The following FBXL4 variants were observed in gnomAD, a reference collection of about 807,000 sequenced individuals.
FBXL4 encodes the protein F-box/LRR-repeat protein 4.
In FBXL4, 40 loss-of-function variants were observed where a neutral mutation model predicts 58.9. That is an observed-to-expected ratio of 0.68 (90% CI 0.53 to 0.88). The LOEUF (loss-of-function observed/expected upper bound fraction) is 0.88. Ranked by LOEUF, FBXL4 falls within the 40% of genes least tolerant of loss-of-function variation. FBXL4 has a pLI of 0.00. For synonymous variants in FBXL4, 263 were observed against 265.5 expected, an observed-to-expected ratio of 0.99 and a Z score of 0.09; for missense variants, 676 against 734.4, an observed-to-expected ratio of 0.92 and a Z score of 0.92.
At chr6:98,881,231 T>C (rs1463806398) in intron 7 of FBXL4, among the ~76,000 whole-genome samples, 2 of 152,186 alleles carry the variant, frequency 1.3e-5, no homozygotes, top group African/African-American at 4.8e-5. Context: ...TTTCTAGTCA[T>C]GTTCCTGCCA....
At chr6:98,912,599 T>G (rs987240069) in intron 5 of FBXL4, among the ~76,000 whole-genome samples, 1 of 151,632 alleles carries the variant, frequency 6.6e-6, no homozygotes, top group Admixed American at 6.6e-5. Flanking sequence ...GAAGGAGAAA[T>G]AAAATACTTC....
In FBXL4 at chr6:98,905,572, T is replaced by C. The variant is rs1771775479; in HGVS notation, c.957A>G (p.Gln319=). 3.1e-6 allele frequency: 5 copies of C among 1,613,868 alleles called. No homozygotes were observed. The highest frequency in any genetic ancestry group is 1.3e-5 in the African/African-American group (1 of 74,900). Residue 319 remains glutamine, a synonymous_variant, in exon 6 of 10, where the codon CAA becomes CAG. Transcript: ENST00000369244. ...ATGGTTGCAGATTGAGGTGGATGTATTGCAGAGGATCACAGCAATGCTGGC... is the reference window on the plus strand; with the variant it reads ...ATGGTTGCAGATTGAGGTGGATGTACTGCAGAGGATCACAGCAATGCTGGC... ...LLSQHCCDPL[Q]YIHLNLQPYW...
chr6:98,882,186 T>C (rs1186516621), intron 7 of FBXL4, among the ~76,000 whole-genome samples: 2 of 152,076 alleles, frequency 1.3e-5, no homozygotes, highest in African/African-American at 4.8e-5. Context: ...AAGTATAGGT[T>C]CCAATATAAC....
chr6:98,907,997 C>T (rs2604068), intron 5 of FBXL4, among the ~76,000 whole-genome samples: 31,837 of 152,074 alleles, frequency 0.21, 3,472 homozygotes, highest in African/African-American at 0.27. Flanking sequence ...CTCTCAGACA[C>T]TGCAAAATCC....
chr6:98,917,305 C>A, intron 5 of FBXL4, 69 bp downstream of exon 5: 1 of 1,058,102 alleles, frequency 9.5e-7, no homozygotes, highest in Non-Finnish European at 1.4e-6. Context: ...GCTCAGTAAA[C>A]ATTAATATCT....
intron 1 of FBXL4, among the ~76,000 whole-genome samples, chr6:98,937,538 C>A (rs1271175343): frequency 2.0e-5 from 3 of 152,204 alleles, no homozygotes; most frequent in South Asian, 4.2e-4. Context: ...GGTCTTCGAT[C>A]TGATCTTCAT....
chr6:98,888,238 C>A (rs1771105892), intron 7 of FBXL4, among the ~76,000 whole-genome samples: 1 of 152,228 alleles, frequency 6.6e-6, no homozygotes, highest in Non-Finnish European at 1.5e-5. Flanking sequence ...TTTACTGGAA[C>A]ACAGACATTC....
chr6:98,933,588 C>A (rs1773092823), intron 2 of FBXL4, among the ~76,000 whole-genome samples: 1 of 152,156 alleles, frequency 6.6e-6, no homozygotes, highest in Non-Finnish European at 1.5e-5. Flanking sequence ...ACTTTATCTA[C>A]CATGCACCTT....
At chr6:98,912,893 A>C (rs1227034277) in intron 5 of FBXL4, among the ~76,000 whole-genome samples, 2 of 152,216 alleles carry the variant, frequency 1.3e-5, no homozygotes, top group African/African-American at 4.8e-5. Flanking sequence ...AATTGGATAA[A>C]GAGTCAAGAC....
chr6:98,906,581 T>C (rs1771824115), intron 5 of FBXL4, among the ~76,000 whole-genome samples: 1 of 152,198 alleles, frequency 6.6e-6, no homozygotes, highest in Admixed American at 6.5e-5. Context: ...CTGATGGATA[T>C]TTGGGTTGGT....
rs573779446 is a variant in FBXL4, at chr6:98,925,480, T to C, written c.512+997A>G. 4.6e-5 allele frequency among the ~76,000 whole-genome samples: 7 copies of C among 152,402 alleles called. No individual in the cohort carries two copies. The South Asian group carries it at 1.4e-3, about 32-fold the overall frequency. ...TTGAGTAGCCTTCTTCTAGGAAATT[T>C]ATCCCACAGATATACTTGCACACAT... On this transcript the variant is annotated intron_variant, in intron 4 of 9. Transcript: ENST00000369244.
At chr6:98,899,725 T>C (rs2128389571) in intron 6 of FBXL4, among the ~76,000 whole-genome samples, 1 of 152,170 alleles carries the variant, frequency 6.6e-6, no homozygotes, top group Admixed American at 6.6e-5. Flanking sequence ...TAATGCTAAG[T>C]GGAAAATTAA....
chr6:98,928,529 C>A (rs62423595), intron 2 of FBXL4, among the ~76,000 whole-genome samples: 1,975 of 152,084 alleles, frequency 0.013, 35 homozygotes, highest in African/African-American at 0.046. Context: ...AGGGTTTCAC[C>A]ATGTTAGCAA....
chr6:98,907,398 A>T (rs1172962186), intron 5 of FBXL4, among the ~76,000 whole-genome samples: 1 of 152,190 alleles, frequency 6.6e-6, no homozygotes, highest in Non-Finnish European at 1.5e-5. Context: ...GCTAATACAG[A>T]ATTCTAGGAA....
chr6:98,879,480 C>G (rs1335794947), intron 8 of FBXL4, among the ~76,000 whole-genome samples: 2 of 152,254 alleles, frequency 1.3e-5, no homozygotes, highest in East Asian at 3.9e-4. Flanking sequence ...TTTCTATTGT[C>G]CTTTATATCT....
At chr6:98,940,936 G>T (rs546049428) in intron 1 of FBXL4, among the ~76,000 whole-genome samples, 115 of 152,114 alleles carry the variant, frequency 7.6e-4, no homozygotes, top group Non-Finnish European at 1.4e-3. Context: ...CAAATTTTAA[G>T]ATACCAAATT....
intron 5 of FBXL4, among the ~76,000 whole-genome samples, 166 bp from the exon 6 acceptor site, chr6:98,905,836 C>T (rs940104777): frequency 1.3e-5 from 2 of 152,134 alleles, no homozygotes; most frequent in Non-Finnish European, 2.9e-5. Context: ...AGAAATCATA[C>T]GTGCATTTGA....
Position 98,875,829 on chromosome 6 carries a change from T to C in FBXL4, c.1390-102A>G, listed in dbSNP as rs558316309. 25 of 1,151,200 alleles carry C rather than the reference T, an allele frequency of 2.2e-5. No individual in the cohort carries two copies. The African/African-American group carries it at 2.8e-4, about 13-fold the overall frequency. 71.3% of individuals were successfully genotyped at this position (1,151,200 alleles called of 1,614,324 possible). A position where few individuals can be genotyped will look rare whatever the true frequency, so the allele number is the denominator to read the frequency against. ...ATTATAACCTATTGCTTTGCTTCCA[T>C]GTAAACAAATCCACATCCTTGTTAA... On this transcript the variant is annotated intron_variant, in intron 8 of 9. Coordinates refer to ENST00000369244, the MANE Select transcript of FBXL4 (RefSeq NM_001278716.2).
intron 4 of FBXL4, among the ~76,000 whole-genome samples, chr6:98,924,982 C>T (rs1446858572): frequency 6.6e-6 from 1 of 152,178 alleles, no homozygotes; most frequent in Non-Finnish European, 1.5e-5. Flanking sequence ...CCTAGAACAA[C>T]ACCTAGCACA....
Sources: allele counts gnomAD v4.1 joint callset (sites outside exome capture counted in the v4.1 genomes callset), GRCh38; gene constraint gnomAD v4.1.1; transcripts MANE v1.5; gene names NCBI Gene and HGNC (gene_info 2026-07-23, HGNC 2026-07-21).